Variants in MAML3 observed in about 807,000 individuals in gnomAD.
MAML3 encodes mastermind like transcriptional coactivator 3.
In MAML3, 27 loss-of-function variants were observed where a neutral mutation model predicts 101.9. The ratio of observed to expected loss-of-function variants is 0.27; its 90% CI spans 0.20 to 0.37. MAML3 has a LOEUF of 0.37. Among genes scored for constraint, MAML3 ranks in the 10% least tolerant of loss-of-function variants. The pLI is 1.00. For missense variants in MAML3, 1,316 were observed against 1,444.9 expected (o/e 0.91, Z 1.45); for synonymous variants, 501 against 555.9 (o/e 0.90, Z 1.39).
At chr4:139,995,983 T>G (rs1378977614) in intron 1 of MAML3, among the ~76,000 whole-genome samples, 1 of 152,128 alleles carries the variant, frequency 6.6e-6, no homozygotes, top group Non-Finnish European at 1.5e-5. Flanking sequence ...TTTAATATGT[T>G]GTGTTTTCAT....
chr4:140,115,251 T>C (rs1233211420), intron 1 of MAML3, among the ~76,000 whole-genome samples: 1 of 152,228 alleles, frequency 6.6e-6, no homozygotes, highest in Non-Finnish European at 1.5e-5. Context: ...CTCATAACAA[T>C]ACATTTTATT....
chr4:139,915,963 C>CT (rs1003254479), intron 1 of MAML3, among the ~76,000 whole-genome samples: 6 of 152,210 alleles, frequency 3.9e-5, no homozygotes, highest in Admixed American at 3.3e-4. Flanking sequence ...AAACAGCAAG[C>CT]TTTTCTTGTG....
At position 139,719,774 on chromosome 4, in the gene MAML3, G is replaced by A; in HGVS notation, c.2966C>T (p.Pro989Leu). Residue 989 changes from proline (P) to leucine (L), a missense_variant, in exon 5 of 5, where the codon CCT becomes CTT. By Grantham distance (98) the Pro-to-Leu change is moderately conservative (BLOSUM62 -3). Coordinates refer to ENST00000509479, the MANE Select transcript of MAML3 (RefSeq NM_018717.5). ...LGPFNNGASY[P>L]LQAGQPRLTK... ...CAGTCTCGGCTGCCCAGCTTGAAGA[G>A]GGTAGCTGGCGCCATTGTTGAATGG... The A allele has an allele frequency of 6.2e-7, 1 of 1,613,702 alleles. No individual in the cohort carries two copies. Among genetic ancestry groups the A allele is most frequent in the Non-Finnish European group, 8.5e-7 (1 of 1,179,900 alleles).
At chr4:139,768,360 G>C (rs2111063804) in intron 2 of MAML3, among the ~76,000 whole-genome samples, 1 of 151,828 alleles carries the variant, frequency 6.6e-6, no homozygotes, top group Middle Eastern at 3.4e-3. Context: ...ATTTTTGATA[G>C]TCTTATGCCA....
At chr4:139,844,649 A>C (rs1185784715) in intron 2 of MAML3, among the ~76,000 whole-genome samples, 1 of 152,180 alleles carries the variant, frequency 6.6e-6, no homozygotes, top group Non-Finnish European at 1.5e-5. Flanking sequence ...TTTCTTGGTC[A>C]TAGACTGTAC....
At chr4:140,074,148 A>AAAGAGAGAG (rs1227233659) in intron 1 of MAML3, among the ~76,000 whole-genome samples, 1 of 144,396 alleles carries the variant, frequency 6.9e-6, no homozygotes, top group African/African-American at 2.5e-5. Flanking sequence ...AAAAGAAAGA[A>AAAGAGAGAG]AGAAAGAGAG....
chr4:139,757,808 T>C (rs1256459137), intron 2 of MAML3, among the ~76,000 whole-genome samples: 3 of 152,096 alleles, frequency 2.0e-5, no homozygotes, highest in African/African-American at 7.2e-5. Context: ...TCCCTGTCTG[T>C]TTTCTCTGCC....
At chr4:139,759,377 C>T (rs1729711030) in intron 2 of MAML3, among the ~76,000 whole-genome samples, 1 of 152,236 alleles carries the variant, frequency 6.6e-6, no homozygotes, top group African/African-American at 2.4e-5. Context: ...GTCTGTGGGG[C>T]TCACGTGGCA....
At chr4:140,023,347 C>T (rs1726767487) in intron 1 of MAML3, among the ~76,000 whole-genome samples, 1 of 152,146 alleles carries the variant, frequency 6.6e-6, no homozygotes, top group Non-Finnish European at 1.5e-5. Context: ...CTTCCATGGC[C>T]ATCATCAATG....
intron 1 of MAML3, among the ~76,000 whole-genome samples, chr4:140,030,171 T>C (rs1162393662): frequency 6.6e-6 from 1 of 152,222 alleles, no homozygotes. Flanking sequence ...CCCTGGTTCA[T>C]TTCCCTCCTC....
chr4:140,039,248 C>T (rs1727039088), intron 1 of MAML3, among the ~76,000 whole-genome samples: 1 of 152,192 alleles, frequency 6.6e-6, no homozygotes, highest in South Asian at 2.1e-4. Flanking sequence ...CCACACCAGC[C>T]TCACAGAAAT....
At chr4:140,075,290 T>C (rs1727747347) in intron 1 of MAML3, among the ~76,000 whole-genome samples, 1 of 152,204 alleles carries the variant, frequency 6.6e-6, no homozygotes. Context: ...AAGGTACTTT[T>C]CACCTGTCTG....
intron 2 of MAML3, among the ~76,000 whole-genome samples, chr4:139,766,469 G>T (rs1729861860): frequency 6.6e-6 from 1 of 152,208 alleles, no homozygotes. Context: ...ACCGTGCCCA[G>T]TCACGAGTGA....
At chr4:139,856,488 G>A (rs1322124516) in intron 2 of MAML3, among the ~76,000 whole-genome samples, 2 of 152,322 alleles carry the variant, frequency 1.3e-5, no homozygotes, top group East Asian at 3.9e-4. Context: ...TATTGGGAAA[G>A]CAGAATGAGC....
intron 2 of MAML3, among the ~76,000 whole-genome samples, chr4:139,856,360 A>T (rs1290784228): frequency 6.6e-6 from 1 of 152,200 alleles, no homozygotes; most frequent in Non-Finnish European, 1.5e-5. Context: ...CAGGAGAGGG[A>T]TCCTCCTGTT....
intron 2 of MAML3, chr4:139,740,622 G>C (rs1301895104): frequency 1.3e-5 from 2 of 152,068 alleles, no homozygotes; most frequent in African/African-American, 4.8e-5. Context: ...AGTCATCAAA[G>C]CAAAGATTGC....
chr4:139,826,176 C>T (rs1731057460), intron 2 of MAML3, among the ~76,000 whole-genome samples: 1 of 151,956 alleles, frequency 6.6e-6, no homozygotes, highest in Non-Finnish European at 1.5e-5. Flanking sequence ...GCAGCCTCCC[C>T]TGGCATCCAT....
At chr4:139,962,465 C>T (rs1283607028) in intron 1 of MAML3, among the ~76,000 whole-genome samples, 1 of 152,166 alleles carries the variant, frequency 6.6e-6, no homozygotes, top group African/African-American at 2.4e-5. Flanking sequence ...TAGAAAAAGC[C>T]AGCTTTCTTT....
chr4:139,944,129 C>T (rs1733660448), intron 1 of MAML3, among the ~76,000 whole-genome samples: 1 of 151,954 alleles, frequency 6.6e-6, no homozygotes, highest in African/African-American at 2.4e-5. Context: ...CTCGGCCTCC[C>T]AAAGTGCTGG....
Sources: gnomAD v4.1 joint callset for allele counts (sites outside exome capture counted in the v4.1 genomes callset) on GRCh38, gnomAD v4.1.1 for gene constraint, MANE v1.5 for transcripts, NCBI Gene and HGNC (gene_info 2026-07-23, HGNC 2026-07-21) for gene names.